The following SPATA13 variants were observed in gnomAD, a reference collection of about 807,000 sequenced individuals.
The protein encoded by SPATA13 is spermatogenesis associated 13, also known as spermatogenesis-associated protein 13.
Under a neutral mutation model 104.0 loss-of-function variants are expected in SPATA13, and 50 were observed. The observed-to-expected ratio is 0.48, with a 90% confidence interval of 0.38 to 0.61. SPATA13 has a LOEUF of 0.61. SPATA13 is among the 20% of genes least tolerant of loss of function. SPATA13 has a pLI of 0.00. For missense variants in SPATA13, 1,524 were observed against 1,690.6 expected (o/e 0.90, Z 1.73); for synonymous variants, 606 against 667.5 (o/e 0.91, Z 1.42).
intron 4 of SPATA13, among the ~76,000 whole-genome samples, chr13:24,271,081 T>C (rs573220467): frequency 6.6e-6 from 1 of 151,506 alleles, no homozygotes; most frequent in Admixed American, 6.6e-5. Flanking sequence ...TCTCTGCTGC[T>C]TGTCAGGTGT....
chr13:24,170,362 A>G (rs1175639201), intron 1 of SPATA13, among the ~76,000 whole-genome samples: 3 of 152,218 alleles, frequency 2.0e-5, no homozygotes, highest in Non-Finnish European at 4.4e-5. Flanking sequence ...GTCCAAATGG[A>G]TGACTACATT....
chr13:24,153,280 C>G (rs924079061), intron 3 of SPATA13, among the ~76,000 whole-genome samples: 1 of 152,194 alleles, frequency 6.6e-6, no homozygotes, highest in Non-Finnish European at 1.5e-5. Context: ...TGTGGGTGCC[C>G]CATTTTCCAC....
intron 2 of SPATA13, among the ~76,000 whole-genome samples, chr13:23,996,184 G>C (rs553136874): frequency 1.3e-3 from 194 of 152,284 alleles, no homozygotes; most frequent in African/African-American, 4.6e-3. Flanking sequence ...AGTCCAAAGT[G>C]GGCTTCACTG....
In SPATA13 at chr13:24,018,338, A is replaced by G. The variant is rs17079752; in HGVS notation, c.-112+637A>G. 9.4e-3 allele frequency among the ~76,000 whole-genome samples: 1,434 copies of G among 152,332 alleles called. 56 individuals are homozygous for G. Among genetic ancestry groups the G allele is most frequent in the Admixed American group, 0.064 (978 of 15,300 alleles). ...TGGACAAATAGAAATGTTGCAAAAG[A>G]TCGTTTTTTCCATCTTAGCATTATT... On this transcript the variant is annotated intron_variant, in intron 3 of 14. Transcript: ENST00000424834.
intron 10 of SPATA13, among the ~76,000 whole-genome samples, chr13:24,295,541 G>A (rs895001907): frequency 6.6e-6 from 1 of 152,166 alleles, no homozygotes; most frequent in Non-Finnish European, 1.5e-5. Context: ...GAGCCTAGGA[G>A]GTTGAGGCTG....
intron 4 of SPATA13, among the ~76,000 whole-genome samples, chr13:24,281,268 T>C (rs1168334594): frequency 6.6e-6 from 1 of 152,262 alleles, no homozygotes; most frequent in African/African-American, 2.4e-5. Context: ...TCTTGGTCTC[T>C]TAGACAGCTC....
chr13:24,207,647 G>GT (rs1019544677), intron 1 of SPATA13, among the ~76,000 whole-genome samples: 2 of 152,092 alleles, frequency 1.3e-5, no homozygotes, highest in Admixed American at 6.5e-5. Context: ...GGCTAGTGTT[G>GT]TTTTTTATCA....
intron 3 of SPATA13, among the ~76,000 whole-genome samples, chr13:24,148,366 T>A (rs903611424): frequency 2.6e-5 from 3 of 113,838 alleles, no homozygotes; most frequent in African/African-American, 8.4e-5. Flanking sequence ...TTTGTTTTTT[T>A]ATTTTTTTTT....
At position 24,223,865 on chromosome 13, in the gene SPATA13, A is replaced by G; in HGVS notation, c.936A>G (p.Ile312Met). 6.4e-7 allele frequency: 1 copy of G among 1,551,710 alleles called. No homozygotes were observed. Among genetic ancestry groups the G allele is most frequent in the Non-Finnish European group, 8.7e-7 (1 of 1,146,994 alleles). ...SGRTKRWRSP[I>M]RAKDFDRVFK... Reference sequence around the variant, plus strand: ...GGACCAAACGCTGGAGGAGCCCGATAAGGGCCAAGGACTTTGACAGAGTCT... The same window carrying G: ...GGACCAAACGCTGGAGGAGCCCGATGAGGGCCAAGGACTTTGACAGAGTCT... The change falls in exon 2 of 13, where the codon ATA becomes ATG. Residue 312 changes from isoleucine to methionine, a missense_variant. Around this residue, in one of 2 missense-constraint regions of SPATA13, gnomAD observed 1,089 missense variants for 1,135.9 expected, o/e 0.96. Coordinates refer to ENST00000382108, the MANE Select transcript of SPATA13 (RefSeq NM_001166271.3).
At chr13:24,291,110 G>A (rs924557892) in intron 9 of SPATA13, among the ~76,000 whole-genome samples, 2 of 152,188 alleles carry the variant, frequency 1.3e-5, no homozygotes, top group Non-Finnish European at 2.9e-5. Flanking sequence ...AGACACAAGG[G>A]CCATTCGTGA....
rs1417939475 is a variant in SPATA13, at chr13:24,120,526, ACT to A, written c.-111-102290_-111-102289del. On this transcript the variant is annotated intron_variant, in intron 3 of 14. Coordinates refer to the SPATA13 transcript ENST00000424834. Reference sequence around the variant, plus strand: ...TCAGGGTCAGATTACCTGGATTCAAACTCTGGCTACACCACTCACTAGCTGCC... The same window carrying A: ...TCAGGGTCAGATTACCTGGATTCAAACTGGCTACACCACTCACTAGCTGCC... Among the ~76,000 whole-genome samples the A allele has an allele frequency of 5.3e-5, 8 of 152,066 alleles. 1 individual carries two copies. The South Asian group carries it at 1.5e-3, about 28-fold the overall frequency.
At chr13:24,159,246 C>A (rs1410592558), upstream of SPATA13, among the ~76,000 whole-genome samples, 1 of 151,996 alleles carries the variant, frequency 6.6e-6, no homozygotes, top group Non-Finnish European at 1.5e-5. Context: ...GCCTCACATA[C>A]TATGTTTCTA....
At chr13:24,013,990 T>G (rs113744758) in intron 2 of SPATA13, among the ~76,000 whole-genome samples, 13 of 152,154 alleles carry the variant, frequency 8.5e-5, no homozygotes, top group African/African-American at 1.4e-4. Flanking sequence ...TGTGCTAGAG[T>G]CAGAGCCTCC....
intron 1 of SPATA13, among the ~76,000 whole-genome samples, chr13:24,216,218 A>G (rs1871251890): frequency 6.6e-6 from 1 of 152,154 alleles, no homozygotes; most frequent in African/African-American, 2.4e-5. Flanking sequence ...CTGCCCTTTC[A>G]TCTCTCACTA....
chr13:24,299,350 C>G (rs955464095), intron 11 of SPATA13, among the ~76,000 whole-genome samples: 2 of 152,220 alleles, frequency 1.3e-5, no homozygotes, highest in Non-Finnish European at 2.9e-5. Context: ...TGAGGCACTC[C>G]TGAGCCAGTA....
At chr13:24,079,404 A>T (rs1291188257) in intron 3 of SPATA13, among the ~76,000 whole-genome samples, 4 of 152,174 alleles carry the variant, frequency 2.6e-5, no homozygotes, top group African/African-American at 9.7e-5. Context: ...CTTGCTGCAG[A>T]ATGGATTGCA....
intron 1 of SPATA13, among the ~76,000 whole-genome samples, chr13:24,185,662 ACAT>A (rs1162357546): frequency 6.6e-6 from 1 of 152,172 alleles, no homozygotes; most frequent in Non-Finnish European, 1.5e-5. Context: ...ATCATATGAA[ACAT>A]CATAATTGAA....
chr13:24,199,512 T>C (rs1402794419), intron 1 of SPATA13, among the ~76,000 whole-genome samples: 1 of 152,272 alleles, frequency 6.6e-6, no homozygotes, highest in Non-Finnish European at 1.5e-5. Flanking sequence ...TCAGAATCTT[T>C]CTGCTGATTT....
chr13:24,122,168 G>A, intron 3 of SPATA13: 3 of 1,594,942 alleles, frequency 1.9e-6, no homozygotes, highest in Non-Finnish European at 2.6e-6. Context: ...GGATTCATGG[G>A]CTGCTCTTCT....
Sources: gnomAD v4.1 joint callset for allele counts (sites outside exome capture counted in the v4.1 genomes callset) on GRCh38, gnomAD v4.1.1 for gene constraint, gnomAD v4.1.1 regional missense constraint, MANE v1.5 for transcripts, NCBI Gene and HGNC (gene_info 2026-07-23, HGNC 2026-07-21) for gene names.